The following OCA2 variants were observed in gnomAD, a reference collection of about 807,000 sequenced individuals.
OCA2 encodes the protein P protein.
A neutral mutation model predicts 100.2 loss-of-function variants in OCA2; 77 were observed. The ratio of observed to expected loss-of-function variants is 0.77; its 90% CI spans 0.64 to 0.93. The LOEUF (loss-of-function observed/expected upper bound fraction) is 0.93. OCA2 is among the 40% of genes least tolerant of loss of function. The pLI, the probability that OCA2 is intolerant of heterozygous loss-of-function variation, is 0.00. For missense variants in OCA2, 1,062 were observed against 1,089.1 expected (o/e 0.98, Z 0.35); for synonymous variants, 432 against 439.2 (o/e 0.98, Z 0.21).
chr15:27,916,777 A>G (rs1471423629), intron 19 of OCA2, among the ~76,000 whole-genome samples: 1 of 152,186 alleles, frequency 6.6e-6, no homozygotes, highest in African/African-American at 2.4e-5. Context: ...AAATGTCTCC[A>G]ACTGTTTTCC....
chr15:27,907,588 A>G (rs1247800173), intron 19 of OCA2, among the ~76,000 whole-genome samples: 1 of 152,224 alleles, frequency 6.6e-6, no homozygotes. Flanking sequence ...AAAAAAATTA[A>G]CAAGATGGAC....
At chr15:28,094,418 G>A (rs1301680778) in intron 1 of OCA2, among the ~76,000 whole-genome samples, 2 of 152,202 alleles carry the variant, frequency 1.3e-5, no homozygotes, top group Non-Finnish European at 2.9e-5. Flanking sequence ...GCTGTAAGCC[G>A]GCGGCACAGG....
At chr15:27,915,955 T>A (rs2140300897) in intron 19 of OCA2, among the ~76,000 whole-genome samples, 1 of 152,162 alleles carries the variant, frequency 6.6e-6, no homozygotes, top group East Asian at 1.9e-4. Context: ...TAAATGCCCA[T>A]CAACAGTGGA....
At chr15:27,761,324 AAC>A (rs1041346953) in intron 23 of OCA2, among the ~76,000 whole-genome samples, 2 of 152,120 alleles carry the variant, frequency 1.3e-5, no homozygotes, top group Non-Finnish European at 2.9e-5. Context: ...TAAAATTAAA[AAC>A]ACAATACCAC....
intron 9 of OCA2, among the ~76,000 whole-genome samples, chr15:27,995,556 C>G (rs1388637781): frequency 2.6e-4 from 22 of 85,706 alleles, no homozygotes; most frequent in Admixed American, 2.4e-3. Context: ...CCATGTCCAG[C>G]TAATTTTTTT....
At chr15:27,815,944 C>G (rs1040312190) in intron 23 of OCA2, among the ~76,000 whole-genome samples, 4 of 152,146 alleles carry the variant, frequency 2.6e-5, no homozygotes, top group Non-Finnish European at 5.9e-5. Context: ...CCAGCCTGAC[C>G]AACATGGAGA....
intron 2 of OCA2, among the ~76,000 whole-genome samples, chr15:28,077,465 C>G (rs572916867): frequency 4.6e-5 from 7 of 152,110 alleles, no homozygotes; most frequent in African/African-American, 1.4e-4. Flanking sequence ...ATGGACAAGA[C>G]GTATTCCTCT....
the OCA2 span, among the ~76,000 whole-genome samples, chr15:27,726,309 AAATAAATAAATAAATAAAT>A: frequency 2.5e-5 from 3 of 120,348 alleles, no homozygotes; most frequent in African/African-American, 2.1e-4. Context: ...AAAAATAAAT[AAATAAATAAATAAATAAAT>A]AAATAAATAA....
chr15:27,733,349 CTCTGCCCCAGG>C, the OCA2 span, among the ~76,000 whole-genome samples: 1 of 152,206 alleles, frequency 6.6e-6, no homozygotes, highest in Non-Finnish European at 1.5e-5. Flanking sequence ...GCTTGTCTGC[CTCTGCCCCAGG>C]TCTGTCACTC....
At chr15:27,880,013 T>C (rs2036950341) in intron 19 of OCA2, among the ~76,000 whole-genome samples, 1 of 152,240 alleles carries the variant, frequency 6.6e-6, no homozygotes, top group Non-Finnish European at 1.5e-5. Context: ...TAATCCATCT[T>C]GAGTTAATTT....
chr15:27,901,581 G>A (rs979337582), intron 19 of OCA2, among the ~76,000 whole-genome samples: 1 of 152,084 alleles, frequency 6.6e-6, no homozygotes. Context: ...TTTCTTTCCT[G>A]AGAAAGACCC....
At chr15:28,072,326 A>G (rs2044285502) in intron 2 of OCA2, among the ~76,000 whole-genome samples, 1 of 152,100 alleles carries the variant, frequency 6.6e-6, no homozygotes, top group African/African-American at 2.4e-5. Context: ...GCGGTGGCTC[A>G]CGCCTGTAAT....
intron 13 of OCA2, 122 bp downstream of exon 13, chr15:27,984,941 TG>T: frequency 8.9e-7 from 1 of 1,125,696 alleles, no homozygotes. Context: ...CAGTGAGCTG[TG>T]GGCTCAACCG....
chr15:27,880,281 G>A (rs56183753), intron 19 of OCA2, among the ~76,000 whole-genome samples: 66,906 of 151,968 alleles, frequency 0.44, 17,133 homozygotes, highest in African/African-American at 0.69. Context: ...GAAATTGGGC[G>A]GCATGATGCT....
chr15:27,806,504 G>A (rs1403931585), intron 23 of OCA2, among the ~76,000 whole-genome samples: 1 of 152,142 alleles, frequency 6.6e-6, no homozygotes, highest in East Asian at 1.9e-4. Context: ...ATTTCTCAGT[G>A]GAGAAGGGTC....
At chr15:27,902,061 G>T (rs899952508) in intron 19 of OCA2, among the ~76,000 whole-genome samples, 1 of 152,204 alleles carries the variant, frequency 6.6e-6, no homozygotes, top group East Asian at 1.9e-4. Context: ...ATTAAATAAT[G>T]TCTAATATTC....
At chr15:27,791,074 C>T (rs1308466562) in intron 23 of OCA2, among the ~76,000 whole-genome samples, 2 of 151,988 alleles carry the variant, frequency 1.3e-5, no homozygotes, top group Non-Finnish European at 2.9e-5. Flanking sequence ...CAGGCATGAG[C>T]CACTGTGCCT....
intron 2 of OCA2, among the ~76,000 whole-genome samples, chr15:28,038,092 T>C (rs201208941): frequency 7.3e-6 from 1 of 137,200 alleles, no homozygotes; most frequent in Non-Finnish European, 1.7e-5. Flanking sequence ...TCTCCTCTCT[T>C]TCTCTCTCCC....
intron 18 of OCA2, 38 bp from the exon 19 acceptor site, chr15:27,926,292 C>T (rs2140372958): frequency 6.2e-7 from 1 of 1,611,276 alleles, no homozygotes; most frequent in Non-Finnish European, 8.5e-7. Flanking sequence ...TATAGTTCCA[C>T]TGTTAACACA....
Sources: gnomAD v4.1 joint callset for allele counts (sites outside exome capture counted in the v4.1 genomes callset) on GRCh38, gnomAD v4.1.1 for gene constraint, MANE v1.5 for transcripts, NCBI Gene and HGNC (gene_info 2026-07-23, HGNC 2026-07-21) for gene names.